PLLP: variants seen among roughly 807,000 people sequenced by gnomAD.
PLLP encodes plasmolipin.
A neutral mutation model predicts 19.7 loss-of-function variants in PLLP; 15 were observed. That is an observed-to-expected ratio of 0.76 (90% CI 0.51 to 1.17). The LOEUF (loss-of-function observed/expected upper bound fraction) is 1.17. Among genes scored for constraint, PLLP ranks in the 50% most tolerant of loss-of-function variants. The pLI, the probability that PLLP is intolerant of heterozygous loss-of-function variation, is 0.00. For synonymous variants in PLLP, 111 were observed against 116.3 expected, an observed-to-expected ratio of 0.95 and a Z score of 0.29; for missense variants, 255 against 258.3, an observed-to-expected ratio of 0.99 and a Z score of 0.09.
chr16:57,279,599 T>C lies in PLLP; in HGVS notation c.135+4807A>G, dbSNP rs1406183416. ...CTGAAGTGGGAGGATCGTCTGAGCC[T>C]GGGAGGTTGAGGTTGCAGTGAGCTG... On this transcript the variant is annotated intron_variant, in intron 1 of 3. Coordinates refer to ENST00000219207, the MANE Select transcript of PLLP (RefSeq NM_015993.3). 4.6e-5 allele frequency among the ~76,000 whole-genome samples: 7 copies of C among 151,704 alleles called. No homozygotes were observed. In the East Asian group the frequency reaches 1.4e-3, roughly 30 times the overall value.
At chr16:57,267,860 A>G (rs1204790189) in intron 1 of PLLP, among the ~76,000 whole-genome samples, 1 of 149,068 alleles carries the variant, frequency 6.7e-6, no homozygotes, top group Non-Finnish European at 1.5e-5. Context: ...GGGCAACAAG[A>G]GCGAAACTCC....
chr16:57,259,149 G>A (rs2075434947), intron 2 of PLLP, among the ~76,000 whole-genome samples: 1 of 152,094 alleles, frequency 6.6e-6, no homozygotes, highest in Non-Finnish European at 1.5e-5. Flanking sequence ...TGGAGGAGGG[G>A]AATGACAGGA....
intron 1 of PLLP, among the ~76,000 whole-genome samples, chr16:57,279,629 C>T (rs1175813194): frequency 6.6e-6 from 1 of 151,368 alleles, no homozygotes; most frequent in Non-Finnish European, 1.5e-5. Context: ...GAGCTGTGAT[C>T]ACACTACTAT....
intron 1 of PLLP, among the ~76,000 whole-genome samples, chr16:57,281,725 A>G (rs1395462808): frequency 6.6e-6 from 1 of 151,862 alleles, no homozygotes; most frequent in Non-Finnish European, 1.5e-5. Flanking sequence ...GTTAGCCGGG[A>G]TGGTCTCCGT....
In PLLP at chr16:57,261,879, A is replaced by G. The variant is rs764515666; in HGVS notation, c.309+18T>C. 1 of 1,611,828 alleles carries G rather than the reference A, an allele frequency of 6.2e-7. No individual in the cohort carries two copies. The highest frequency in any genetic ancestry group is 8.5e-7 in the Non-Finnish European group (1 of 1,178,036). On this transcript the variant is annotated intron_variant, in intron 2 of 3. Transcript: ENST00000219207. Reference sequence around the variant, plus strand: ...TGGTCCTGTCATAGCCACTTCCAGTACCCCCACCCAGACTCACCACCAGTG... The same window carrying G: ...TGGTCCTGTCATAGCCACTTCCAGTGCCCCCACCCAGACTCACCACCAGTG...
intron 1 of PLLP, among the ~76,000 whole-genome samples, chr16:57,278,965 G>A (rs1226882987): frequency 6.6e-6 from 1 of 152,186 alleles, no homozygotes; most frequent in East Asian, 1.9e-4. Flanking sequence ...ACTCCCAAGT[G>A]CCCAAGGATG....
intron 1 of PLLP, among the ~76,000 whole-genome samples, chr16:57,277,912 T>C (rs1901173247): frequency 6.6e-6 from 1 of 152,214 alleles, no homozygotes; most frequent in East Asian, 1.9e-4. Context: ...GAGTGCTTTG[T>C]ATTATGTCTC....
chr16:57,277,425 A>T (rs1248034797), intron 1 of PLLP, among the ~76,000 whole-genome samples: 1 of 152,042 alleles, frequency 6.6e-6, no homozygotes, highest in Non-Finnish European at 1.5e-5. Context: ...CCCTGTCTCC[A>T]CTAAAAATAC....
At chr16:57,260,554 C>T (rs1298910250) in intron 2 of PLLP, among the ~76,000 whole-genome samples, 1 of 152,202 alleles carries the variant, frequency 6.6e-6, no homozygotes, top group Non-Finnish European at 1.5e-5. Flanking sequence ...ACTCACGTTT[C>T]CTCGGTTTAA....
rs552166666 is a variant in PLLP, at chr16:57,256,403, T to A, written c.*510A>T. 153 of 229,650 alleles carry A rather than the reference T, an allele frequency of 6.7e-4. 1 individual carries two copies. Among genetic ancestry groups the A allele is most frequent in the Middle Eastern group, 2.8e-3 (2 of 718 alleles). 14.2% of individuals were successfully genotyped at this position (229,650 alleles called of 1,614,324 possible). On this transcript the variant is annotated 3_prime_UTR_variant, in exon 4 of 4. Transcript: ENST00000219207. ...CCATGCTGTCAGCAATCAACCCACT[T>A]TTTACAGGTTGGCTCCAGGGAGAGG...
At chr16:57,258,622 G>T (rs776511741) in intron 2 of PLLP, 38 bp from the exon 3 acceptor site, 2 of 1,606,826 alleles carry the variant, frequency 1.2e-6, no homozygotes, top group Non-Finnish European at 8.5e-7. Flanking sequence ...GAGAGAAAAG[G>T]CTTAAGACAC....
chr16:57,273,350 C>T (rs1369107860), intron 1 of PLLP, among the ~76,000 whole-genome samples: 2 of 152,116 alleles, frequency 1.3e-5, no homozygotes, highest in Admixed American at 1.3e-4. Flanking sequence ...TGTCTGACCC[C>T]AGCCCCAAAT....
intron 1 of PLLP, among the ~76,000 whole-genome samples, chr16:57,266,784 G>C (rs560316794): frequency 1.3e-5 from 2 of 151,028 alleles, no homozygotes; most frequent in South Asian, 4.2e-4. Flanking sequence ...CCAGCTCTCT[G>C]AGGTCCCTGC....
In PLLP at chr16:57,261,886, C is replaced by A. The variant is rs2075442836; in HGVS notation, c.309+11G>T. The A allele has an allele frequency of 6.2e-7, 1 of 1,613,394 alleles. No individual in the cohort carries two copies. On this transcript the variant is annotated intron_variant, in intron 2 of 3. Transcript: ENST00000219207. ...GTCATAGCCACTTCCAGTACCCCCA[C>A]CCAGACTCACCACCAGTGGCCAGGG...
intron 3 of PLLP, among the ~76,000 whole-genome samples, chr16:57,257,714 C>A (rs934535703): frequency 6.6e-6 from 1 of 152,194 alleles, no homozygotes; most frequent in Non-Finnish European, 1.5e-5. Context: ...GGCCACCTGA[C>A]GTGGGCCCAG....
At chr16:57,274,128 C>G (rs1346869370) in intron 1 of PLLP, among the ~76,000 whole-genome samples, 3 of 152,040 alleles carry the variant, frequency 2.0e-5, no homozygotes, top group African/African-American at 7.2e-5. Context: ...CTGGGACAGG[C>G]GCACACAACC....
In PLLP at chr16:57,284,458, G is replaced by C. The variant is rs767218252; in HGVS notation, c.83C>G (p.Pro28Arg). 19 of 1,413,594 alleles carry C rather than the reference G, an allele frequency of 1.3e-5. No homozygotes were observed. Among genetic ancestry groups the C allele is most frequent in the Admixed American group, 2.8e-5 (1 of 35,966 alleles). The allele number at this position is 1,413,594 out of a possible 1,614,324, so 87.6% of individuals were successfully genotyped here. A position where few individuals can be genotyped will look rare whatever the true frequency, so the allele number is the denominator to read the frequency against. Residue 28 changes from proline to arginine, a missense_variant, in exon 1 of 4, where the codon CCG becomes CGG. Pro to Arg is a moderately radical substitution (Grantham distance 103, BLOSUM62 -2). Transcript: ENST00000219207. Reference protein sequence around the residue: ...GAEASVSALRPDLGFVRSRLG... With the variant: ...GAEASVSALRRDLGFVRSRLG... Reference sequence around the variant, plus strand: ...GCGGGAGCGCACGAAGCCCAGGTCCGGGCGCAGCGCCGACACCGAGGCTTC... The same window carrying C: ...GCGGGAGCGCACGAAGCCCAGGTCCCGGCGCAGCGCCGACACCGAGGCTTC...
Position 57,273,029 on chromosome 16 carries a change from C to T in PLLP, c.136-10959G>A, listed in dbSNP as rs774924413. ...AATCCCAGCACTTTGGGAGGCCGGG[C>T]GGGTGGATCATGAGGTCAGGAGATC... On this transcript the variant is annotated intron_variant, in intron 1 of 3. Coordinates refer to ENST00000219207, the MANE Select transcript of PLLP (RefSeq NM_015993.3). 5.9e-5 allele frequency among the ~76,000 whole-genome samples: 9 copies of T among 151,930 alleles called. No homozygotes were observed. In the East Asian group the frequency reaches 1.4e-3, roughly 23 times the overall value.
chr16:57,272,185 C>T (rs914784395), intron 1 of PLLP, among the ~76,000 whole-genome samples: 3 of 152,210 alleles, frequency 2.0e-5, no homozygotes, highest in South Asian at 2.1e-4. Flanking sequence ...TGAGGAAAAC[C>T]GAGGCTCTTG....
Sources: gnomAD v4.1 joint callset for allele counts (sites outside exome capture counted in the v4.1 genomes callset) on GRCh38, gnomAD v4.1.1 for gene constraint, MANE v1.5 for transcripts, NCBI Gene and HGNC (gene_info 2026-07-23, HGNC 2026-07-21) for gene names.